RAB27B: variants seen among roughly 807,000 people sequenced by gnomAD.
RAB27B encodes ras-related protein Rab-27B.
Under a neutral mutation model 24.6 loss-of-function variants are expected in RAB27B, and 15 were observed. That is an observed-to-expected ratio of 0.61 (90% CI 0.41 to 0.94). The LOEUF is 0.94. RAB27B is among the 40% of genes least tolerant of loss of function. The pLI is 0.00. For missense variants in RAB27B, 261 were observed against 266.8 expected (o/e 0.98, Z 0.15); for synonymous variants, 105 against 92.5 (o/e 1.14, Z -0.78).
chr18:54,867,445 T>TTCTTTTCTTTTC (rs67270276), intron 1 of RAB27B, among the ~76,000 whole-genome samples: 1 of 122,492 alleles, frequency 8.2e-6, no homozygotes, highest in South Asian at 2.6e-4. Flanking sequence ...TTCTTTTCTT[T>TTCTTTTCTTTTC]TTTTTTTTTT....
intron 2 of RAB27B, among the ~76,000 whole-genome samples, chr18:54,783,998 G>T (rs1909001545): frequency 6.6e-6 from 1 of 152,196 alleles, no homozygotes; most frequent in South Asian, 2.1e-4. Flanking sequence ...AGAAATATGA[G>T]AAAGAAATGA....
At chr18:54,763,301 G>GTGTT (rs1197267235) in intron 2 of RAB27B, among the ~76,000 whole-genome samples, 1 of 151,836 alleles carries the variant, frequency 6.6e-6, no homozygotes, top group African/African-American at 2.4e-5. Flanking sequence ...ATATGTCTAT[G>GTGTT]TGTTTGTTTA....
intron 2 of RAB27B, among the ~76,000 whole-genome samples, chr18:54,794,213 G>A (rs1050354472): frequency 6.6e-6 from 1 of 152,078 alleles, no homozygotes; most frequent in Non-Finnish European, 1.5e-5. Context: ...TATATACAAA[G>A]TAGCTATTAT....
At chr18:54,773,423 G>C (rs1005840443) in intron 2 of RAB27B, among the ~76,000 whole-genome samples, 2 of 152,174 alleles carry the variant, frequency 1.3e-5, no homozygotes, top group African/African-American at 4.8e-5. Context: ...AGACCACAAA[G>C]CTTCTGCAAA....
At position 54,892,215 on chromosome 18, in the gene RAB27B, T is replaced by C. The variant is rs1313365762; in HGVS notation, c.*2802T>C. On this transcript the variant is annotated 3_prime_UTR_variant, in exon 6 of 6. Coordinates refer to ENST00000262094, the MANE Select transcript of RAB27B (RefSeq NM_004163.4). ...GTTGAAAATGTACATGAAGCTCCTT[T>C]CTGATATAGAAACCATTTCTGGAGT... 1 of 152,086 alleles carries C rather than the reference T, an allele frequency of 6.6e-6. No homozygotes were observed. Among genetic ancestry groups the C allele is most frequent in the Non-Finnish European group, 1.5e-5 (1 of 67,990 alleles). 9.4% of individuals were successfully genotyped at this position (152,086 alleles called of 1,614,324 possible).
Position 54,809,254 on chromosome 18 carries a change from C to T in RAB27B, c.-19-68313C>T, listed in dbSNP as rs981850376. Among the ~76,000 whole-genome samples, 7 of 152,178 alleles carry T rather than the reference C, an allele frequency of 4.6e-5. No individual in the cohort carries two copies. The East Asian group carries it at 1.2e-3, about 25-fold the overall frequency. ...AACAGTGGTACGTGACTACAAATAG[C>T]ATCAGTTTCAAGCATGGGTATTAAG... On this transcript the variant is annotated intron_variant, in intron 2 of 4. Coordinates refer to the RAB27B transcript ENST00000586570.
At chr18:54,884,472 G>C (rs376524209) in intron 4 of RAB27B, 36 bp downstream of exon 4, 1 of 1,380,866 alleles carries the variant, frequency 7.2e-7, no homozygotes, top group Non-Finnish European at 1.0e-6. Flanking sequence ...TGGCCGCTTT[G>C]GGACTCAACT....
chr18:54,834,930 A>T (rs1910836957), intron 1 of RAB27B, among the ~76,000 whole-genome samples: 1 of 151,816 alleles, frequency 6.6e-6, no homozygotes, highest in Non-Finnish European at 1.5e-5. Flanking sequence ...GAGATTATGT[A>T]TTAAATCTGA....
intron 2 of RAB27B, among the ~76,000 whole-genome samples, chr18:54,777,936 C>T (rs141137003): frequency 1.1e-3 from 168 of 150,954 alleles, no homozygotes; most frequent in Middle Eastern, 3.4e-3. Flanking sequence ...TAATTGTCTC[C>T]GGCAAAAATA....
chr18:54,721,105 GGTTTTGTT>G (rs1225587968), intron 2 of RAB27B, among the ~76,000 whole-genome samples: 1 of 152,090 alleles, frequency 6.6e-6, no homozygotes, highest in Non-Finnish European at 1.5e-5. Flanking sequence ...CCAGAGAAAA[GGTTTTGTT>G]GTTTCCAGAA....
At chr18:54,785,558 TAAC>T (rs1485476699) in intron 2 of RAB27B, among the ~76,000 whole-genome samples, 2 of 151,152 alleles carry the variant, frequency 1.3e-5, no homozygotes, top group East Asian at 3.9e-4. Context: ...TTTCCCTCAG[TAAC>T]AACACCTTAC....
At chr18:54,764,649 T>C (rs943346959) in intron 2 of RAB27B, among the ~76,000 whole-genome samples, 6 of 151,428 alleles carry the variant, frequency 4.0e-5, no homozygotes, top group African/African-American at 1.5e-4. Flanking sequence ...AATCCTATTC[T>C]CTCTTAGAAT....
At chr18:54,871,535 C>T (rs182351513) in intron 1 of RAB27B, among the ~76,000 whole-genome samples, 4 of 152,248 alleles carry the variant, frequency 2.6e-5, no homozygotes, top group African/African-American at 7.2e-5. Flanking sequence ...ACTCTGTACA[C>T]GGAATGCAAA....
chr18:54,868,975 G>T (rs1432083503), intron 1 of RAB27B, among the ~76,000 whole-genome samples: 1 of 152,188 alleles, frequency 6.6e-6, no homozygotes, highest in Non-Finnish European at 1.5e-5. Flanking sequence ...CAGCAAATTT[G>T]TGTAGTACTG....
chr18:54,791,783 G>T (rs1909255027), intron 2 of RAB27B, among the ~76,000 whole-genome samples: 1 of 152,224 alleles, frequency 6.6e-6, no homozygotes, highest in Non-Finnish European at 1.5e-5. Flanking sequence ...GACACAAGCA[G>T]CTGGACAGAG....
intron 2 of RAB27B, among the ~76,000 whole-genome samples, chr18:54,818,205 T>C (rs546874250): frequency 1.1e-4 from 17 of 152,328 alleles, no homozygotes; most frequent in African/African-American, 2.9e-4. Flanking sequence ...GTATTTGTAA[T>C]GGTATTGCAA....
Position 54,867,442 on chromosome 18 carries a change from C to CTTT in RAB27B, c.-19-10107_-19-10105dup, listed in dbSNP as rs548288719. 4.6e-4 allele frequency among the ~76,000 whole-genome samples: 45 copies of CTTT among 98,782 alleles called. 1 individual carries two copies. Among genetic ancestry groups the CTTT allele is most frequent in the African/African-American group, 1.1e-3 (31 of 27,938 alleles). The allele number at this position is 98,782 out of a possible 152,430, so 64.8% of individuals were successfully genotyped here. ...CTGATGCTTTCTTTTCTTTTCTTTTCTTTTTTTTTTTTTTTTTTTTCTGAG... is the reference window on the plus strand; with the variant it reads ...CTGATGCTTTCTTTTCTTTTCTTTTCTTTTTTTTTTTTTTTTTTTTTTTCTGAG... On this transcript the variant is annotated intron_variant, in intron 1 of 5. Transcript: ENST00000262094.
intron 2 of RAB27B, among the ~76,000 whole-genome samples, chr18:54,760,410 A>T (rs114872776): frequency 4.7e-4 from 72 of 152,342 alleles, no homozygotes; most frequent in African/African-American, 1.6e-3. Flanking sequence ...GATGTAGCTT[A>T]TAGACAACTT....
rs1002332331 is a variant in RAB27B, at chr18:54,773,937, C to T, written c.-20+55796C>T. Among the ~76,000 whole-genome samples the T allele has an allele frequency of 5.9e-5, 9 of 152,158 alleles. No homozygotes were observed. In the East Asian group the frequency reaches 7.7e-4, roughly 13 times the overall value. ...TCATGATCCACCCGCCTCGGCCTCC[C>T]GAAGTGCTAGGATTACAGGCATGAG... On this transcript the variant is annotated intron_variant, in intron 2 of 4. Coordinates refer to the RAB27B transcript ENST00000586570.
Sources: allele counts gnomAD v4.1 joint callset (sites outside exome capture counted in the v4.1 genomes callset), GRCh38; gene constraint gnomAD v4.1.1; transcripts MANE v1.5; gene names NCBI Gene and HGNC (gene_info 2026-07-23, HGNC 2026-07-21).